The following COL21A1 variants were observed in gnomAD, a reference collection of about 807,000 sequenced individuals.
The protein encoded by COL21A1 is collagen alpha-1(XXI) chain.
Under a neutral mutation model 137.9 loss-of-function variants are expected in COL21A1, and 149 were observed. The ratio of observed to expected loss-of-function variants is 1.08; its 90% CI spans 0.95 to 1.24. The LOEUF (loss-of-function observed/expected upper bound fraction) is 1.24, where lower values mean the gene tolerates loss of function less well. COL21A1 is among the 50% of genes most tolerant of loss of function. COL21A1 has a pLI of 0.00. For synonymous variants in COL21A1, 456 were observed against 391.5 expected, an observed-to-expected ratio of 1.16 and a Z score of -1.95; for missense variants, 1,167 against 1,158.4, an observed-to-expected ratio of 1.01 and a Z score of -0.11.
intron 16 of COL21A1, among the ~76,000 whole-genome samples, chr6:56,115,301 GAA>G (rs70986768): frequency 0.18 from 25,677 of 140,672 alleles, 2,335 homozygotes; most frequent in Middle Eastern, 0.29. Flanking sequence ...TAATAATAAA[GAA>G]AAAAAAAAAA....
intron 1 of COL21A1, among the ~76,000 whole-genome samples, chr6:56,254,328 G>A (rs1782921765): frequency 1.3e-5 from 2 of 152,132 alleles, no homozygotes; most frequent in Non-Finnish European, 2.9e-5. Context: ...TGTTGAAATC[G>A]TTTATATACA....
chr6:56,111,180 T>G (rs1771403337), intron 16 of COL21A1, among the ~76,000 whole-genome samples: 1 of 151,006 alleles, frequency 6.6e-6, no homozygotes, highest in South Asian at 2.1e-4. Context: ...AATCTGAATC[T>G]AATCATGAGG....
intron 1 of COL21A1, among the ~76,000 whole-genome samples, chr6:56,335,985 A>C (rs1390718983): frequency 6.6e-6 from 1 of 152,230 alleles, no homozygotes; most frequent in East Asian, 1.9e-4. Context: ...GATGATGATG[A>C]CTAAGAGAAT....
chr6:56,217,083 G>T (rs949204078), intron 1 of COL21A1, among the ~76,000 whole-genome samples: 1 of 152,014 alleles, frequency 6.6e-6, no homozygotes, highest in African/African-American at 2.4e-5. Flanking sequence ...TAGAGTTTGG[G>T]TACTAATTAG....
At chr6:56,227,845 G>A (rs1389423404) in intron 1 of COL21A1, among the ~76,000 whole-genome samples, 1 of 151,998 alleles carries the variant, frequency 6.6e-6, no homozygotes, top group Non-Finnish European at 1.5e-5. Context: ...TGGGAGCTTG[G>A]TGGAGTGAAT....
rs1276935929 is a variant in COL21A1, at chr6:56,170,861, C to T, written c.814G>A (p.Val272Ile). The change falls in exon 5 of 30, where the codon GTT becomes ATT. Residue 272 changes from valine (V) to isoleucine (I), a missense_variant. By Grantham distance (29) the Val-to-Ile change is conservative (BLOSUM62 3). Transcript: ENST00000244728. Reference protein sequence around the residue: ...KVDLSELTSNVFPEGLPPSYV... With the variant: ...KVDLSELTSNIFPEGLPPSYV... ...GATGGAGGAAGACCTTCTGGGAAAACATTGCTAGAAAAAGAAGAGCAAGTG... is the reference window on the plus strand; with the variant it reads ...GATGGAGGAAGACCTTCTGGGAAAATATTGCTAGAAAAAGAAGAGCAAGTG... 4 of 1,607,936 alleles carry T rather than the reference C, an allele frequency of 2.5e-6. No homozygotes were observed. Among genetic ancestry groups the T allele is most frequent in the Non-Finnish European group, 8.5e-7 (1 of 1,176,706 alleles).
chr6:56,090,233 A>G (rs1768670696), intron 17 of COL21A1, among the ~76,000 whole-genome samples: 1 of 152,164 alleles, frequency 6.6e-6, no homozygotes, highest in Non-Finnish European at 1.5e-5. Context: ...GCAAGACTCC[A>G]TCGAAGAAAA....
intron 1 of COL21A1, among the ~76,000 whole-genome samples, chr6:56,262,962 C>T (rs1440339557): frequency 6.6e-6 from 1 of 152,066 alleles, no homozygotes; most frequent in African/African-American, 2.4e-5. Context: ...ATTTATTTCC[C>T]GTTTTCAGAT....
chr6:56,118,774 A>G (rs1035113762), intron 16 of COL21A1, among the ~76,000 whole-genome samples: 1 of 152,146 alleles, frequency 6.6e-6, no homozygotes, highest in Admixed American at 6.5e-5. Flanking sequence ...GAATGGTTAA[A>G]TGTATGCAAA....
intron 1 of COL21A1, among the ~76,000 whole-genome samples, chr6:56,203,836 G>C (rs939303302): frequency 1.5e-4 from 23 of 152,158 alleles, no homozygotes; most frequent in African/African-American, 5.5e-4. Context: ...GCAGGGTGGG[G>C]CATCACCTCA....
chr6:56,326,839 C>A (rs1765105809), intron 1 of COL21A1, among the ~76,000 whole-genome samples: 2 of 151,956 alleles, frequency 1.3e-5, no homozygotes, highest in Non-Finnish European at 2.9e-5. Flanking sequence ...CAATGGTGGG[C>A]AACACAGGAC....
At chr6:56,279,397 T>C (rs1582752536) in intron 1 of COL21A1, among the ~76,000 whole-genome samples, 1 of 152,222 alleles carries the variant, frequency 6.6e-6, no homozygotes, top group South Asian at 2.1e-4. Flanking sequence ...AACTGACTAA[T>C]ACAGTTTGTG....
chr6:56,157,082 A>AAAG (rs1024515829), intron 9 of COL21A1, 133 bp from the exon 10 acceptor site: 3 of 631,298 alleles, frequency 4.8e-6, no homozygotes, highest in Non-Finnish European at 8.3e-6. Context: ...TAAAAAAAAA[A>AAAG]AGCCATATTT....
chr6:56,267,509 C>A (rs1218235264), intron 1 of COL21A1, among the ~76,000 whole-genome samples: 1 of 151,936 alleles, frequency 6.6e-6, no homozygotes, highest in Non-Finnish European at 1.5e-5. Context: ...GTAATCCCAG[C>A]ACTTTGGGAG....
At chr6:56,334,496 G>A (rs1377107710) in intron 1 of COL21A1, among the ~76,000 whole-genome samples, 1 of 152,168 alleles carries the variant, frequency 6.6e-6, no homozygotes, top group Non-Finnish European at 1.5e-5. Flanking sequence ...TGAAGAAGCG[G>A]TAAAAATAAA....
intron 1 of COL21A1, among the ~76,000 whole-genome samples, chr6:56,363,175 T>C (rs1766014347): frequency 6.6e-6 from 1 of 152,136 alleles, no homozygotes; most frequent in Non-Finnish European, 1.5e-5. Flanking sequence ...GAATGCATGA[T>C]TTTGGAGAGC....
At chr6:56,216,252 TCCAA>T (rs1267612690) in intron 1 of COL21A1, among the ~76,000 whole-genome samples, 3 of 152,048 alleles carry the variant, frequency 2.0e-5, no homozygotes, top group African/African-American at 7.2e-5. Flanking sequence ...GTGGCCGTGT[TCCAA>T]CCAACCAAGC....
At chr6:56,098,560 TATATAAATATATATAA>T (rs1769984777) in intron 17 of COL21A1, among the ~76,000 whole-genome samples, 1 of 21,254 alleles carries the variant, frequency 4.7e-5, no homozygotes, top group Non-Finnish European at 7.9e-5. Flanking sequence ...TATATATAAA[TATATAAATATATATAA>T]ATATATATAA....
intron 12 of COL21A1, among the ~76,000 whole-genome samples, chr6:56,138,934 A>G (rs1774199339): frequency 6.6e-6 from 1 of 152,100 alleles, no homozygotes; most frequent in Non-Finnish European, 1.5e-5. Context: ...GACACAGAAG[A>G]GAAGGGCTAG....
Sources: allele counts gnomAD v4.1 joint callset (sites outside exome capture counted in the v4.1 genomes callset), GRCh38; gene constraint gnomAD v4.1.1; transcripts MANE v1.5; gene names NCBI Gene and HGNC (gene_info 2026-07-23, HGNC 2026-07-21).